SV2C: variants seen among roughly 807,000 people sequenced by gnomAD.
SV2C encodes the protein synaptic vesicle glycoprotein 2C.
SV2C carries 49 observed loss-of-function variants against 79.7 expected under a neutral mutation model. The observed-to-expected ratio is 0.61, with a 90% CI of 0.49 to 0.78. The LOEUF (loss-of-function observed/expected upper bound fraction) is 0.78. SV2C is among the 30% of genes least tolerant of loss of function. The pLI is 0.00. For missense variants in SV2C, 833 were observed against 912.9 expected (o/e 0.91, Z 1.13); for synonymous variants, 334 against 333.2 (o/e 1.00, Z -0.03).
At chr5:76,192,084 C>T (rs765924585) in intron 2 of SV2C, among the ~76,000 whole-genome samples, 3 of 152,086 alleles carry the variant, frequency 2.0e-5, no homozygotes, top group Non-Finnish European at 4.4e-5. Context: ...ACTCTGTAGC[C>T]TTCATCTCCT....
chr5:75,979,986 A>T, the SV2C span, among the ~76,000 whole-genome samples: 1 of 152,178 alleles, frequency 6.6e-6, no homozygotes, highest in African/African-American at 2.4e-5. Flanking sequence ...ATCTAGACTA[A>T]TAAGAAAAGA....
the SV2C span, among the ~76,000 whole-genome samples, chr5:75,917,732 A>G: frequency 0.12 from 18,976 of 152,116 alleles, 1,240 homozygotes; most frequent in Middle Eastern, 0.18. Flanking sequence ...AAATAGAAAG[A>G]ATGGATAACA....
intron 2 of SV2C, among the ~76,000 whole-genome samples, chr5:76,139,019 T>A (rs906647493): frequency 6.6e-6 from 1 of 151,806 alleles, no homozygotes; most frequent in African/African-American, 2.4e-5. Context: ...CTCAGGAGGC[T>A]GAGGCAGGAG....
intron 3 of SV2C, among the ~76,000 whole-genome samples, chr5:76,197,737 T>TAGATAGATAGATAGATAG (rs1554039526): frequency 6.7e-4 from 2 of 2,998 alleles, no homozygotes; most frequent in Non-Finnish European, 1.2e-3. Flanking sequence ...TAGATAGATA[T>TAGATAGATAGATAGATAG]GAGACAGGAC....
chr5:75,934,813 G>A, the SV2C span, among the ~76,000 whole-genome samples: 683 of 151,972 alleles, frequency 4.5e-3, 4 homozygotes, highest in African/African-American at 0.016. Flanking sequence ...CAGGGTTATA[G>A]AGAGTCAAGG....
At chr5:75,874,220 T>C in the SV2C span, among the ~76,000 whole-genome samples, 1 of 152,184 alleles carries the variant, frequency 6.6e-6, no homozygotes, top group Admixed American at 6.5e-5. Flanking sequence ...TCAAGTAGGC[T>C]TCATCCCTGG....
At chr5:75,878,278 T>G in the SV2C span, among the ~76,000 whole-genome samples, 1 of 152,202 alleles carries the variant, frequency 6.6e-6, no homozygotes, top group Non-Finnish European at 1.5e-5. Flanking sequence ...ATATGAAATA[T>G]CTTCCTATTC....
the SV2C span, among the ~76,000 whole-genome samples, chr5:76,071,204 C>A: frequency 6.6e-6 from 1 of 152,304 alleles, no homozygotes; most frequent in South Asian, 2.1e-4. Flanking sequence ...CCTTCTCCTT[C>A]CCTTGGAATT....
Position 76,352,456 on chromosome 5 carries a change from A to G in SV2C, c.2001-674A>G, listed in dbSNP as rs570375366. 2.0e-5 allele frequency among the ~76,000 whole-genome samples: 3 copies of G among 152,262 alleles called. No individual in the cohort carries two copies. In the South Asian group the frequency reaches 6.2e-4, roughly 32 times the overall value. On this transcript the variant is annotated intron_variant, in intron 12 of 12. Coordinates refer to the SV2C transcript ENST00000322285. The stretch of plus-strand genomic sequence containing the variant: ...CTAATGAATGGATTAACGTTATCTC[A>G]AGAGTGGGTTCATTACTGCAAGAGT...
chr5:76,347,205 C>G (rs1346924728), intron 12 of SV2C, among the ~76,000 whole-genome samples: 1 of 152,102 alleles, frequency 6.6e-6, no homozygotes, highest in East Asian at 1.9e-4. Flanking sequence ...AAGGACAGGG[C>G]CTTTTTACCC....
the SV2C span, among the ~76,000 whole-genome samples, chr5:75,852,899 A>C: frequency 6.6e-6 from 1 of 152,030 alleles, no homozygotes; most frequent in Non-Finnish European, 1.5e-5. Flanking sequence ...CACTGGTATC[A>C]GTAGAAAGCT....
intron 12 of SV2C, among the ~76,000 whole-genome samples, chr5:76,323,542 A>G (rs1748894891): frequency 6.6e-6 from 1 of 152,244 alleles, no homozygotes; most frequent in Admixed American, 6.5e-5. Flanking sequence ...CTGGGTATGT[A>G]CCCAAAGGAA....
the SV2C span, among the ~76,000 whole-genome samples, chr5:75,892,620 T>C: frequency 6.6e-6 from 1 of 152,210 alleles, no homozygotes; most frequent in South Asian, 2.1e-4. Context: ...GTGTCTCTTA[T>C]TCCCAGCTTT....
intron 4 of SV2C, among the ~76,000 whole-genome samples, chr5:76,254,216 G>A (rs571310031): frequency 7.3e-6 from 1 of 136,130 alleles, no homozygotes. Context: ...GTATATATAT[G>A]TGTGTGTATA....
chr5:75,928,005 A>G, the SV2C span, among the ~76,000 whole-genome samples: 1 of 152,224 alleles, frequency 6.6e-6, no homozygotes. Context: ...CATGCCAGAC[A>G]TAGTATTGGA....
the SV2C span, among the ~76,000 whole-genome samples, chr5:76,048,808 A>G: frequency 2.1e-5 from 2 of 94,038 alleles, no homozygotes; most frequent in South Asian, 9.8e-4. Context: ...CAGCCTCCAG[A>G]TTGTGAAAAA....
chr5:76,317,343 G>A (rs1234042822), intron 12 of SV2C, among the ~76,000 whole-genome samples: 2 of 152,082 alleles, frequency 1.3e-5, no homozygotes, highest in African/African-American at 4.8e-5. Flanking sequence ...GCTGAGTCTT[G>A]AGTATCCCTC....
chr5:75,931,067 A>T, the SV2C span, among the ~76,000 whole-genome samples: 2 of 152,190 alleles, frequency 1.3e-5, no homozygotes, highest in African/African-American at 4.8e-5. Flanking sequence ...CTGGGAGGTG[A>T]GGTTGCAGTG....
intron 12 of SV2C, among the ~76,000 whole-genome samples, chr5:76,322,147 T>A (rs1469522525): frequency 1.3e-5 from 2 of 152,106 alleles, no homozygotes; most frequent in Non-Finnish European, 2.9e-5. Context: ...GCATGTTAAT[T>A]AATAAAAGAA....
Sources: gnomAD v4.1 joint callset for allele counts (sites outside exome capture counted in the v4.1 genomes callset) on GRCh38, gnomAD v4.1.1 for gene constraint, MANE v1.5 for transcripts, NCBI Gene and HGNC (gene_info 2026-07-23, HGNC 2026-07-21) for gene names.